The following SCNN1A variants were observed in gnomAD, a reference collection of about 807,000 sequenced individuals.
SCNN1A encodes the protein epithelial sodium channel subunit alpha.
A neutral mutation model predicts 68.6 loss-of-function variants in SCNN1A; 65 were observed. That is an observed-to-expected ratio of 0.95 (90% CI 0.78 to 1.16). SCNN1A has a LOEUF of 1.16. SCNN1A is among the 50% of genes most tolerant of loss of function. The pLI is 0.00. For missense variants in SCNN1A, 880 were observed against 865.9 expected (o/e 1.02, Z -0.20); for synonymous variants, 357 against 353.3 (o/e 1.01, Z -0.12).
At chr12:6,358,427 G>A (rs982020643) in intron 4 of SCNN1A, among the ~76,000 whole-genome samples, 1 of 152,040 alleles carries the variant, frequency 6.6e-6, no homozygotes, top group African/African-American at 2.4e-5. Flanking sequence ...CCACTCATAG[G>A]TAAACACCCA....
chr12:6,355,245 T>C, intron 6 of SCNN1A, 27 bp downstream of exon 6: 1 of 1,606,844 alleles, frequency 6.2e-7, no homozygotes, highest in Non-Finnish European at 8.5e-7. Context: ...AGGCGCTCCT[T>C]CCAGGCCTCC....
Position 6,348,273 on chromosome 12 carries a change from T to A in SCNN1A, c.1630-20A>T. 6.2e-7 allele frequency: 1 copy of A among 1,613,696 alleles called. No homozygotes were observed. Among genetic ancestry groups the A allele is most frequent in the South Asian group, 1.1e-5 (1 of 91,058 alleles). ...GACCATCTGTGAGAGGAGAGGTACATTGACGATGGGACAGAGGGTTCTGGA... is the reference window on the plus strand; with the variant it reads ...GACCATCTGTGAGAGGAGAGGTACAATGACGATGGGACAGAGGGTTCTGGA... On this transcript the variant is annotated intron_variant, in intron 12 of 12. Coordinates refer to ENST00000228916, the MANE Select transcript of SCNN1A (RefSeq NM_001038.6).
chr12:6,360,712 A>G (rs1948567031), intron 4 of SCNN1A, among the ~76,000 whole-genome samples: 2 of 152,158 alleles, frequency 1.3e-5, no homozygotes, highest in Admixed American at 6.5e-5. Flanking sequence ...AGGCAGGGAG[A>G]TGGCTCCGGA....
At chr12:6,376,136 A>G (rs1948904527), upstream of SCNN1A, 1 of 986,432 alleles carries the variant, frequency 1.0e-6, no homozygotes, top group East Asian at 1.1e-4. Context: ...GGCCCTGCAG[A>G]GAAGAGAGAA....
chr12:6,360,486 C>A (rs959888760), intron 4 of SCNN1A, among the ~76,000 whole-genome samples: 2 of 152,184 alleles, frequency 1.3e-5, no homozygotes, highest in Non-Finnish European at 2.9e-5. Flanking sequence ...GTTAGAGGAA[C>A]TTGGTGACAG....
At chr12:6,360,837 C>A (rs1366204161) in intron 4 of SCNN1A, among the ~76,000 whole-genome samples, 1 of 152,202 alleles carries the variant, frequency 6.6e-6, no homozygotes, top group African/African-American at 2.4e-5. Context: ...CTGCTATGAG[C>A]TGCTTGCAAG....
intron 2 of SCNN1A, among the ~76,000 whole-genome samples, chr12:6,367,467 C>T (rs1948699827): frequency 6.6e-6 from 1 of 151,978 alleles, no homozygotes; most frequent in African/African-American, 2.4e-5. Flanking sequence ...CTGATACGTG[C>T]AAAAAACACA....
intron 12 of SCNN1A, 43 bp from the exon 13 acceptor site, chr12:6,348,296 G>A: frequency 6.2e-7 from 1 of 1,613,172 alleles, no homozygotes; most frequent in South Asian, 1.1e-5. Context: ...AGAGGGTTCT[G>A]GATGGACTCT....
At chr12:6,377,313 A>G (rs1384801723), upstream of SCNN1A, 3 of 1,520,628 alleles carry the variant, frequency 2.0e-6, no homozygotes, top group Admixed American at 2.0e-5. Context: ...TCATTGTCCT[A>G]ATGAAGAAAC....
At chr12:6,360,262 G>A (rs1346278718) in intron 4 of SCNN1A, among the ~76,000 whole-genome samples, 3 of 152,182 alleles carry the variant, frequency 2.0e-5, no homozygotes, top group Admixed American at 6.5e-5. Flanking sequence ...ATGAGGCTCT[G>A]AGCTGACCTA....
At chr12:6,364,054 T>C (rs1324468263) in intron 2 of SCNN1A, 2 of 199,310 alleles carry the variant, frequency 1.0e-5, no homozygotes, top group Non-Finnish European at 2.0e-5. Context: ...AGGGGAAGGG[T>C]GAGGGCCTCG....
chr12:6,371,541 G>C (rs1193310708), intron 2 of SCNN1A, among the ~76,000 whole-genome samples: 4 of 125,550 alleles, frequency 3.2e-5, no homozygotes, highest in Non-Finnish European at 6.8e-5. Flanking sequence ...CGGGGGGTGG[G>C]GGTGAGGGTG....
intron 2 of SCNN1A, among the ~76,000 whole-genome samples, chr12:6,367,130 C>A (rs929504843): frequency 6.6e-6 from 1 of 152,068 alleles, no homozygotes; most frequent in African/African-American, 2.4e-5. Context: ...CCCAGCTACT[C>A]AGAAGACTGA....
chr12:6,357,954 C>T lies in SCNN1A; in HGVS notation c.876-2074G>A, dbSNP rs543339649. On this transcript the variant is annotated intron_variant, in intron 4 of 12. Transcript: ENST00000228916. ...TGGAGGTTGTCATGAGCTGAGATTG[C>T]GCCATTGCACTCCAGCCTGGCCAGT... is the stretch of plus-strand genomic sequence containing the variant. Among the ~76,000 whole-genome samples the T allele has an allele frequency of 4.3e-4, 65 of 152,092 alleles. No homozygotes were observed. In the South Asian group the frequency reaches 0.012, roughly 28 times the overall value.
At chr12:6,366,386 T>G (rs866539614) in intron 2 of SCNN1A, among the ~76,000 whole-genome samples, 1 of 152,038 alleles carries the variant, frequency 6.6e-6, no homozygotes, top group African/African-American at 2.4e-5. Context: ...AGCCAAAAAG[T>G]AGAAATAACC....
chr12:6,358,402 C>T (rs74654913), intron 4 of SCNN1A, among the ~76,000 whole-genome samples: 3 of 152,182 alleles, frequency 2.0e-5, no homozygotes, highest in Non-Finnish European at 2.9e-5. Context: ...AGAGTTACCA[C>T]ATGACCCAGC....
chr12:6,352,490 A>C (rs1195135478), intron 8 of SCNN1A, among the ~76,000 whole-genome samples: 3 of 152,102 alleles, frequency 2.0e-5, no homozygotes, highest in Non-Finnish European at 4.4e-5. Context: ...TCTCATCCTC[A>C]CAACTTCTCA....
intron 8 of SCNN1A, chr12:6,353,838 CG>C (rs1948441314): frequency 2.0e-5 from 3 of 149,098 alleles, no homozygotes; most frequent in Non-Finnish European, 4.4e-5. Context: ...ATCCGCCCGC[CG>C]TGGCCTCCCA....
intron 4 of SCNN1A, among the ~76,000 whole-genome samples, chr12:6,360,811 C>G (rs1483189363): frequency 6.6e-6 from 1 of 152,204 alleles, no homozygotes; most frequent in Non-Finnish European, 1.5e-5. Flanking sequence ...TCTCCCAGCC[C>G]TCAGAGAACC....
Sources: allele counts gnomAD v4.1 joint callset (sites outside exome capture counted in the v4.1 genomes callset), GRCh38; gene constraint gnomAD v4.1.1; transcripts MANE v1.5; gene names NCBI Gene and HGNC (gene_info 2026-07-23, HGNC 2026-07-21).